ZNF184: variants seen among roughly 807,000 people sequenced by gnomAD.
ZNF184 encodes zinc finger protein 184, also known as zinc finger protein 184 (Kruppel-like).
ZNF184 carries 16 observed loss-of-function variants against 54.4 expected under a neutral mutation model. The observed-to-expected ratio is 0.29, with a 90% CI of 0.20 to 0.45. The LOEUF (loss-of-function observed/expected upper bound fraction) is 0.45, where lower values mean the gene tolerates loss of function less well. Ranked by LOEUF, ZNF184 falls within the 20% of genes least tolerant of loss-of-function variation. The pLI is 1.00. For missense variants in ZNF184, 681 were observed against 888.2 expected, an observed-to-expected ratio of 0.77 and a Z score of 2.97; for synonymous variants, 254 against 295.3, an observed-to-expected ratio of 0.86 and a Z score of 1.43.
intron 2 of ZNF184, among the ~76,000 whole-genome samples, chr6:27,469,355 G>A (rs1404947168): frequency 1.3e-5 from 2 of 152,182 alleles, no homozygotes; most frequent in African/African-American, 4.8e-5. Flanking sequence ...AAATATGAAT[G>A]AGACTGGCTG....
chr6:27,427,638 C>T, the ZNF184 span, among the ~76,000 whole-genome samples: 2 of 152,224 alleles, frequency 1.3e-5, no homozygotes, highest in African/African-American at 4.8e-5. Flanking sequence ...GGGCCTTCCT[C>T]CTGAGCTCAA....
the ZNF184 span, among the ~76,000 whole-genome samples, chr6:27,439,743 T>G: frequency 2.0e-5 from 3 of 152,226 alleles, no homozygotes; most frequent in Non-Finnish European, 2.9e-5. Flanking sequence ...GTGCCTAGTT[T>G]ATAACAATTA....
the ZNF184 span, among the ~76,000 whole-genome samples, chr6:27,431,332 C>T: frequency 2.0e-5 from 3 of 152,170 alleles, no homozygotes; most frequent in Non-Finnish European, 1.5e-5. Context: ...AGTCCCATCC[C>T]ACTGTGAGGT....
rs376790853 is a variant in ZNF184, at chr6:27,451,603, G to A, written c.1956C>T (p.Ser652=). Residue 652 remains serine (S), a synonymous_variant, in exon 6 of 6, where the codon AGC becomes AGT. Transcript: ENST00000683788. Reference sequence around the variant, plus strand: ...GATGCTGAGTTAGATGGGAGCTCTGGCTAAAGGTCTTTTCACATTTATTAC... The same window carrying A: ...GATGCTGAGTTAGATGGGAGCTCTGACTAAAGGTCTTTTCACATTTATTAC... ...YQCNKCEKTF[S]QSSHLTQHQR... 6.2e-7 allele frequency: 1 copy of A among 1,614,008 alleles called. No individual in the cohort carries two copies. Among genetic ancestry groups the A allele is most frequent in the Non-Finnish European group, 8.5e-7 (1 of 1,180,002 alleles).
Position 27,454,753 on chromosome 6 carries a change from G to A in ZNF184, c.299-1493C>T, listed in dbSNP as rs372846766. On this transcript the variant is annotated intron_variant, in intron 5 of 5. Transcript: ENST00000683788. ...GGGGCAGGGCAAAAAATGAAGGGAT[G>A]GAGAAAGTTCCCAAAGACCAGATTG... Among the ~76,000 whole-genome samples the A allele has an allele frequency of 5.3e-5, 8 of 152,274 alleles. No individual in the cohort carries two copies. In the East Asian group the frequency reaches 7.7e-4, roughly 15 times the overall value.
chr6:27,466,141 GGAGAGAGAGAGA>G (rs58110037), intron 3 of ZNF184, among the ~76,000 whole-genome samples: 95,560 of 148,778 alleles, frequency 0.64, 30,813 homozygotes, highest in Middle Eastern at 0.73. Flanking sequence ...AGAGTCAGAG[GGAGAGAGAGAGA>G]GAGAGAGAGA....
chr6:27,453,007 C>T lies in ZNF184; in HGVS notation c.552G>A (p.Gly184=). The part of the protein sequence containing the change: ...WEKGPVNNEF[G]KSVNVSSNLV... ...GGTTTGAACTCACATTGACACTTTTCCCAAATTCATTATTTACAGGGCCTT... is the reference window on the plus strand; with the variant it reads ...GGTTTGAACTCACATTGACACTTTTTCCAAATTCATTATTTACAGGGCCTT... The change falls in exon 6 of 6, where the codon GGG becomes GGA. Residue 184 remains glycine (G), a synonymous_variant. Coordinates refer to ENST00000683788, the MANE Select transcript of ZNF184 (RefSeq NM_001318891.2). This position sits in a 1 kb window ranked among gnomAD's most constrained non-coding sequence, Gnocchi z 4.7. The T allele has an allele frequency of 6.2e-7, 1 of 1,614,108 alleles. No homozygotes were observed. The highest frequency in any genetic ancestry group is 8.5e-7 in the Non-Finnish European group (1 of 1,180,010).
At chr6:27,440,871 G>C in the ZNF184 span, among the ~76,000 whole-genome samples, 2 of 152,060 alleles carry the variant, frequency 1.3e-5, no homozygotes, top group Admixed American at 6.5e-5. Context: ...CGGGCGTGGT[G>C]GTGGGTGCCT....
At chr6:27,408,025 G>A in the ZNF184 span, 1 of 1,021,658 alleles carries the variant, frequency 9.8e-7, no homozygotes, top group South Asian at 1.3e-5. Context: ...TTGGTTATAT[G>A]CAAATGTGAC....
chr6:27,456,369 A>C (rs182379668), intron 5 of ZNF184, among the ~76,000 whole-genome samples: 160 of 152,358 alleles, frequency 1.1e-3, no homozygotes, highest in African/African-American at 3.7e-3. Context: ...TGCTTGGGAA[A>C]GAAAAGATAA....
the ZNF184 span, among the ~76,000 whole-genome samples, chr6:27,440,376 T>C: frequency 1.3e-5 from 2 of 152,320 alleles, no homozygotes; most frequent in South Asian, 2.1e-4. Flanking sequence ...GTTTCACTTA[T>C]GGTAAGCGGT....
At chr6:27,456,192 A>T (rs569396554) in intron 5 of ZNF184, among the ~76,000 whole-genome samples, 10 of 152,180 alleles carry the variant, frequency 6.6e-5, no homozygotes, top group African/African-American at 2.2e-4. Flanking sequence ...TGGGAAGCAG[A>T]AGCTGCAGTG....
chr6:27,408,025 G>C, the ZNF184 span: 2 of 1,021,652 alleles, frequency 2.0e-6, no homozygotes, highest in Non-Finnish European at 3.1e-6. Flanking sequence ...TTGGTTATAT[G>C]CAAATGTGAC....
downstream of ZNF184, among the ~76,000 whole-genome samples, chr6:27,449,860 T>C (rs1762680117): frequency 6.6e-6 from 1 of 152,172 alleles, no homozygotes; most frequent in Non-Finnish European, 1.5e-5. Flanking sequence ...ATATATGACT[T>C]GTATATTACA....
the ZNF184 span, among the ~76,000 whole-genome samples, chr6:27,440,113 C>T: frequency 6.6e-6 from 1 of 152,116 alleles, no homozygotes; most frequent in African/African-American, 2.4e-5. Context: ...CTCCTTTTGC[C>T]CATACTTTCC....
the ZNF184 span, among the ~76,000 whole-genome samples, chr6:27,422,033 G>A: frequency 1.3e-5 from 2 of 151,556 alleles, no homozygotes; most frequent in African/African-American, 4.9e-5. Context: ...CCCAGCTACT[G>A]GGAAAGTTGA....
the ZNF184 span, among the ~76,000 whole-genome samples, chr6:27,417,593 A>G: frequency 1.3e-5 from 2 of 152,114 alleles, no homozygotes; most frequent in African/African-American, 2.4e-5. Flanking sequence ...TTGCCAAACT[A>G]TATAATCATG....
chr6:27,420,952 C>A, the ZNF184 span, among the ~76,000 whole-genome samples: 2 of 152,106 alleles, frequency 1.3e-5, no homozygotes, highest in Non-Finnish European at 2.9e-5. Flanking sequence ...AACATGGAGA[C>A]AACTTAAGTG....
At chr6:27,428,385 G>A in the ZNF184 span, among the ~76,000 whole-genome samples, 1 of 152,124 alleles carries the variant, frequency 6.6e-6, no homozygotes, top group Non-Finnish European at 1.5e-5. The surrounding 1 kb of genome is among the most constrained non-coding windows in gnomAD (Gnocchi z 4.1). Flanking sequence ...CCATGCACAC[G>A]TTTATTGGAA....
Sources: allele counts gnomAD v4.1 joint callset (sites outside exome capture counted in the v4.1 genomes callset), GRCh38; gene constraint gnomAD v4.1.1; non-coding constraint Gnocchi (gnomAD v3.1); transcripts MANE v1.5; gene names NCBI Gene and HGNC (gene_info 2026-07-23, HGNC 2026-07-21).